FOLH1: variants seen among roughly 807,000 people sequenced by gnomAD.
The protein encoded by FOLH1 is folate hydrolase 1.
FOLH1 carries 54 observed loss-of-function variants against 93.9 expected under a neutral mutation model. The observed-to-expected ratio is 0.57, with a 90% confidence interval of 0.46 to 0.72. The LOEUF is 0.72. Ranked by LOEUF, FOLH1 falls within the 30% of genes least tolerant of loss-of-function variation. The probability of loss-of-function intolerance (pLI) is 0.00; values close to 1 mark genes in which losing one functional copy is unlikely to be tolerated. For missense variants in FOLH1, 571 were observed against 892.5 expected (o/e 0.64, Z 4.59); for synonymous variants, 249 against 303.6 (o/e 0.82, Z 1.87).
At chr11:49,176,247 C>G (rs1303603447) in intron 7 of FOLH1, among the ~76,000 whole-genome samples, 3 of 152,092 alleles carry the variant, frequency 2.0e-5, no homozygotes, top group Non-Finnish European at 4.4e-5. Flanking sequence ...TTACCAGTAT[C>G]TAGTAGTAAA....
In FOLH1 at chr11:49,186,710, G is replaced by A; in HGVS notation, c.573C>T (p.Asp191=). Residue 191 remains aspartate, a synonymous_variant, in exon 5 of 19, where the codon GAC becomes GAT. Coordinates refer to ENST00000256999, the MANE Select transcript of FOLH1 (RefSeq NM_004476.3). The part of the protein sequence containing the change: ...RTEDFFKLER[D]MKINCSGKIV... ...TTTTCCCAGAGCAATTGATTTTCAT[G>A]TCCCGTTCCAATTTAAAGAAGTCTT... The A allele has an allele frequency of 6.2e-7, 1 of 1,613,258 alleles. No homozygotes were observed. Among genetic ancestry groups the A allele is most frequent in the Non-Finnish European group, 8.5e-7 (1 of 1,179,628 alleles).
At chr11:49,151,846 C>T (rs1856543827) in intron 17 of FOLH1, among the ~76,000 whole-genome samples, 1 of 152,042 alleles carries the variant, frequency 6.6e-6, no homozygotes, top group Admixed American at 6.6e-5. Flanking sequence ...TTATAGGATA[C>T]ATGGTGTTTG....
At chr11:49,164,139 A>G (rs1035877294) in intron 13 of FOLH1, among the ~76,000 whole-genome samples, 1 of 151,728 alleles carries the variant, frequency 6.6e-6, no homozygotes, top group Non-Finnish European at 1.5e-5. Context: ...CATCTTGGTC[A>G]CTCCTCCATT....
intron 6 of FOLH1, 65 bp from the exon 7 acceptor site, chr11:49,183,307 T>C: frequency 8.5e-7 from 1 of 1,180,730 alleles, no homozygotes; most frequent in Non-Finnish European, 1.2e-6. Flanking sequence ...TCTCTATAAA[T>C]CACATTAAAT....
At chr11:49,202,260 A>C (rs549422122) in intron 2 of FOLH1, among the ~76,000 whole-genome samples, 1 of 152,334 alleles carries the variant, frequency 6.6e-6, no homozygotes, top group South Asian at 2.1e-4. Context: ...CAAGTTGTTG[A>C]ACCTACCAGA....
intron 11 of FOLH1, among the ~76,000 whole-genome samples, chr11:49,170,881 G>A (rs1237788691): frequency 3.9e-5 from 6 of 152,138 alleles, no homozygotes. Context: ...ATATGATTAA[G>A]AAACTAACTC....
intron 2 of FOLH1, 73 bp from the exon 3 acceptor site, chr11:49,200,514 G>T: frequency 1.3e-6 from 2 of 1,524,644 alleles, no homozygotes; most frequent in Admixed American, 1.9e-5. Flanking sequence ...ACAAAGTAAA[G>T]CAGAGTTACA....
chr11:49,174,852 G>T (rs372218227), intron 9 of FOLH1, 40 bp downstream of exon 9: 1 of 1,484,304 alleles, frequency 6.7e-7, no homozygotes, highest in African/African-American at 1.4e-5. Context: ...GCACATAACA[G>T]TTACTTGATC....
At chr11:49,172,206 T>G (rs1465876888) in intron 10 of FOLH1, among the ~76,000 whole-genome samples, 2 of 152,198 alleles carry the variant, frequency 1.3e-5, no homozygotes, top group African/African-American at 4.8e-5. Flanking sequence ...ATTGTCACAG[T>G]GATGTTTTGT....
intron 18 of FOLH1, 83 bp from the exon 19 acceptor site, chr11:49,147,028 T>A: frequency 6.9e-7 from 1 of 1,450,114 alleles, no homozygotes; most frequent in East Asian, 2.3e-5. Flanking sequence ...ATTCCTGGAT[T>A]GCATATTCCT....
Position 49,146,783 on chromosome 11 carries a change from A to T in FOLH1, c.2226T>A (p.Ala742=). 1 of 1,612,468 alleles carries T rather than the reference A, an allele frequency of 6.2e-7. No homozygotes were observed. The highest frequency in any genetic ancestry group is 8.5e-7 in the Non-Finnish European group (1 of 1,179,148). ...IYVAAFTVQA[A]AETLSEVA ...AGGCTACTTCACTCAAAGTCTCTGC[A>T]GCTGCCTGCACTGTGAAGGCTGCAA... Residue 742 remains alanine, a synonymous_variant, in exon 19 of 19, where the codon GCT becomes GCA. Transcript: ENST00000256999.
chr11:49,180,491 C>A (rs1274807863), intron 7 of FOLH1, among the ~76,000 whole-genome samples: 1 of 152,318 alleles, frequency 6.6e-6, no homozygotes, highest in East Asian at 1.9e-4. Context: ...AAGTTCTCAG[C>A]ATTCTTCGGC....
chr11:49,191,554 T>C (rs950806610), intron 4 of FOLH1, among the ~76,000 whole-genome samples: 3 of 152,218 alleles, frequency 2.0e-5, no homozygotes, highest in African/African-American at 7.2e-5. Flanking sequence ...TTACGATTAA[T>C]AGTAATGTCA....
In FOLH1 at chr11:49,176,997, G is replaced by A. The variant is rs368189854; in HGVS notation, c.921-1040C>T. Among the ~76,000 whole-genome samples, 15 of 152,330 alleles carry A rather than the reference G, an allele frequency of 9.8e-5. No individual in the cohort carries two copies. In the South Asian group the frequency reaches 3.1e-3, roughly 32 times the overall value. On this transcript the variant is annotated intron_variant, in intron 7 of 18. Coordinates refer to ENST00000256999, the MANE Select transcript of FOLH1 (RefSeq NM_004476.3). Reference sequence around the variant, plus strand: ...CACCCTCATGCACTCCAGGCTGTGCGGTGCAGCATGCTCTGTCATGTCCTG... The same window carrying A: ...CACCCTCATGCACTCCAGGCTGTGCAGTGCAGCATGCTCTGTCATGTCCTG...
intron 12 of FOLH1, among the ~76,000 whole-genome samples, chr11:49,167,046 C>CA (rs76160864): frequency 8.9e-4 from 133 of 149,836 alleles, no homozygotes; most frequent in African/African-American, 2.0e-3. Context: ...ACAACAACAA[C>CA]AAAAAAAAAC....
Position 49,154,396 on chromosome 11 carries a change from G to C in FOLH1, c.1720C>G (p.Leu574Val). The change falls in exon 16 of 19, where the codon CTC (leucine) becomes GTC (valine). Residue 574 changes from leucine (L) to valine (V), a missense_variant. By Grantham distance (32) the Leu-to-Val change is conservative. Coordinates refer to ENST00000256999, the MANE Select transcript of FOLH1 (RefSeq NM_004476.3). ...CCTCCTCGAACCTGGGCCACAGTGA[G>C]GTGATATTTAAACATTGGATCATAA... ...KFYDPMFKYH[L>V]TVAQVRGGMV... The C allele has an allele frequency of 6.2e-7, 1 of 1,613,064 alleles. No homozygotes were observed. Among genetic ancestry groups the C allele is most frequent in the Non-Finnish European group, 8.5e-7 (1 of 1,179,432 alleles).
chr11:49,156,885 C>A (rs1194734818), intron 14 of FOLH1, 78 bp from the exon 15 acceptor site: 32 of 1,588,754 alleles, frequency 2.0e-5, no homozygotes, highest in Non-Finnish European at 2.7e-5. Flanking sequence ...TTAAACTAAA[C>A]CCCATTCTTA....
chr11:49,205,557 G>A (rs202678), intron 2 of FOLH1, among the ~76,000 whole-genome samples: 54,458 of 151,982 alleles, frequency 0.36, 10,820 homozygotes, highest in African/African-American at 0.54. Context: ...TTTTTTAACT[G>A]AAATGCAATA....
At chr11:49,176,536 A>G (rs1860061506) in intron 7 of FOLH1, among the ~76,000 whole-genome samples, 1 of 152,192 alleles carries the variant, frequency 6.6e-6, no homozygotes, top group African/African-American at 2.4e-5. Context: ...ACTGAGAAAG[A>G]AAACATGGTA....
Sources: allele counts gnomAD v4.1 joint callset (sites outside exome capture counted in the v4.1 genomes callset), GRCh38; gene constraint gnomAD v4.1.1; transcripts MANE v1.5; gene names NCBI Gene and HGNC (gene_info 2026-07-23, HGNC 2026-07-21).